ADGRG2: variants seen among roughly 807,000 people sequenced by gnomAD.
ADGRG2 encodes adhesion G protein-coupled receptor G2, also known as G protein-coupled receptor 64.
Under a neutral mutation model 74.1 loss-of-function variants are expected in ADGRG2, and 26 were observed. The ratio of observed to expected loss-of-function variants is 0.35; its 90% confidence interval spans 0.26 to 0.49. The LOEUF (loss-of-function observed/expected upper bound fraction) is 0.49. Among genes scored for constraint, ADGRG2 ranks in the 20% least tolerant of loss-of-function variants. The probability of loss-of-function intolerance (pLI) is 0.99; values close to 1 mark genes in which losing one functional copy is unlikely to be tolerated. For synonymous variants in ADGRG2, 296 were observed against 295.2 expected (o/e 1.00, Z -0.03); for missense variants, 619 against 763.1 (o/e 0.81, Z 2.22).
chrX:18,994,848 T>A (rs1031167521), intron 28 of ADGRG2, 48 bp downstream of exon 28: 2 of 1,062,007 alleles, frequency 1.9e-6, no homozygotes, highest in Admixed American at 5.9e-5. Flanking sequence ...AAAACTATTT[T>A]AAAAAATAAA....
chrX:19,108,281 A>G (rs139887623), intron 1 of ADGRG2, among the ~76,000 whole-genome samples: 1,462 of 110,855 alleles, frequency 0.013, 14 homozygotes, highest in South Asian at 0.032. Flanking sequence ...AAAGTTACAG[A>G]AAGAAAGTCT....
At chrX:19,055,914 A>C (rs2061404472) in intron 3 of ADGRG2, among the ~76,000 whole-genome samples, 1 of 109,888 alleles carries the variant, frequency 9.1e-6, no homozygotes. Context: ...TTGTATTTTT[A>C]GTAGAGACAG....
At chrX:19,030,408 T>C (rs1474428601) in intron 9 of ADGRG2, among the ~76,000 whole-genome samples, 1 of 112,270 alleles carries the variant, frequency 8.9e-6, no homozygotes, top group East Asian at 2.8e-4. Context: ...ATTTCAAAAA[T>C]AGCATGTTCT....
At chrX:19,057,646 C>T (rs1020888185) in intron 3 of ADGRG2, among the ~76,000 whole-genome samples, 2 of 110,414 alleles carry the variant, frequency 1.8e-5, no homozygotes, top group African/African-American at 3.3e-5. Flanking sequence ...TTGAGACCAG[C>T]CTGGGCAACA....
intron 9 of ADGRG2, among the ~76,000 whole-genome samples, chrX:19,029,337 C>T (rs917322604): frequency 2.7e-5 from 3 of 112,090 alleles, no homozygotes; most frequent in Admixed American, 9.5e-5. Flanking sequence ...TGCATGCCAA[C>T]ACCCACAACG....
intron 14 of ADGRG2, among the ~76,000 whole-genome samples, chrX:19,020,695 G>A (rs1396496937): frequency 9.0e-6 from 1 of 111,646 alleles, no homozygotes; most frequent in Admixed American, 9.6e-5. Flanking sequence ...GGACAGGTGT[G>A]GTGGCTCATG....
chrX:19,008,225 ATT>A, intron 18 of ADGRG2, 102 bp from the exon 19 acceptor site: 2 of 495,293 alleles, frequency 4.0e-6, no homozygotes, highest in Non-Finnish European at 6.3e-6. Context: ...AGTATGTGCC[ATT>A]TTTTTTTTAA....
At chrX:19,037,073 G>A (rs1286358035) in intron 6 of ADGRG2, among the ~76,000 whole-genome samples, 1 of 112,074 alleles carries the variant, frequency 8.9e-6, no homozygotes, top group Non-Finnish European at 1.9e-5. Flanking sequence ...TAAAAAGGCT[G>A]TCTTTGAACA....
At chrX:19,082,405 C>T (rs149553911) in intron 2 of ADGRG2, among the ~76,000 whole-genome samples, 108 of 111,489 alleles carry the variant, frequency 9.7e-4, no homozygotes, top group African/African-American at 3.1e-3. Context: ...CAGCTTTGAC[C>T]GCACCATGTA....
At chrX:19,117,940 T>TG (rs747204573) in intron 1 of ADGRG2, among the ~76,000 whole-genome samples, 24 of 105,118 alleles carry the variant, frequency 2.3e-4, no homozygotes, top group African/African-American at 3.5e-4. Flanking sequence ...AGGCTTTCAA[T>TG]GGGAAAAAAA....
At chrX:19,060,047 G>T (rs930656614) in intron 3 of ADGRG2, among the ~76,000 whole-genome samples, 1 of 112,135 alleles carries the variant, frequency 8.9e-6, no homozygotes, top group African/African-American at 3.2e-5. Context: ...TGGGAGAATT[G>T]CTTGAAGCCG....
At chrX:19,022,135 G>A (rs773042962) in intron 13 of ADGRG2, among the ~76,000 whole-genome samples, 1 of 109,989 alleles carries the variant, frequency 9.1e-6, no homozygotes, top group African/African-American at 3.3e-5. Context: ...GTGGTGGTGG[G>A]TGCCTGTAAT....
Position 18,999,880 on chromosome X carries a change from T to C in ADGRG2, c.2311A>G (p.Asn771Asp). 1 of 1,182,810 alleles carries C rather than the reference T, an allele frequency of 8.5e-7. No individual in the cohort carries two copies. The highest frequency in any genetic ancestry group is 1.2e-6 in the Non-Finnish European group (1 of 869,118). ...ACTCACAAGTCATCCGGTGAACCAT[T>C]GGGGAATTTCCCATAGGATCCAAGC... ...YGLGSYGKFP[N>D]GSPDDFCWIN... is the part of the protein sequence containing the mutation. The change falls in exon 25 of 29, where the codon AAT becomes GAT. Residue 771 changes from asparagine (N) to aspartate (D), a missense_variant. Transcript: ENST00000379869.
At chrX:19,043,268 A>T (rs963872709) in intron 3 of ADGRG2, among the ~76,000 whole-genome samples, 2 of 111,156 alleles carry the variant, frequency 1.8e-5, no homozygotes, top group Non-Finnish European at 3.8e-5. Context: ...TCCTGGTCCA[A>T]CCTAGAGGTA....
At chrX:18,998,751 A>G (rs770766126) in intron 26 of ADGRG2, among the ~76,000 whole-genome samples, 1 of 110,880 alleles carries the variant, frequency 9.0e-6, no homozygotes, top group African/African-American at 3.3e-5. Context: ...AAGTTAAAGT[A>G]TGTACATTTG....
intron 15 of ADGRG2, among the ~76,000 whole-genome samples, chrX:19,015,513 G>C (rs1411150101): frequency 8.9e-6 from 1 of 112,828 alleles, no homozygotes; most frequent in Non-Finnish European, 1.9e-5. Flanking sequence ...GTGGTCAGGA[G>C]TTTGCGACCA....
At chrX:19,080,109 C>A (rs999555879) in intron 2 of ADGRG2, among the ~76,000 whole-genome samples, 1 of 109,865 alleles carries the variant, frequency 9.1e-6, no homozygotes, top group Non-Finnish European at 1.9e-5. Context: ...AGGGTTTCAC[C>A]CAGTTGGCCA....
intron 4 of ADGRG2, chrX:19,039,119 G>A (rs1250199393): frequency 3.5e-6 from 1 of 283,971 alleles, no homozygotes; most frequent in Non-Finnish European, 6.7e-6. Flanking sequence ...ATTTACAGGA[G>A]AGGAAACTGA....
At chrX:19,018,147 C>T (rs1333312861) in intron 15 of ADGRG2, among the ~76,000 whole-genome samples, 2 of 111,181 alleles carry the variant, frequency 1.8e-5, no homozygotes, top group East Asian at 2.8e-4. Context: ...TTTTTTGAGA[C>T]AGCGTGTTGC....
Sources: gnomAD v4.1 joint callset for allele counts (sites outside exome capture counted in the v4.1 genomes callset) on GRCh38, gnomAD v4.1.1 for gene constraint, MANE v1.5 for transcripts, NCBI Gene and HGNC (gene_info 2026-07-23, HGNC 2026-07-21) for gene names.